The following SMYD3 variants were observed in gnomAD, a reference collection of about 807,000 sequenced individuals.
SMYD3 encodes the protein histone-lysine N-methyltransferase SMYD3.
SMYD3 carries 36 observed loss-of-function variants against 57.7 expected under a neutral mutation model. That is an observed-to-expected ratio of 0.62 (90% CI 0.48 to 0.82). SMYD3 has a LOEUF of 0.82. Among genes scored for constraint, SMYD3 ranks in the 40% least tolerant of loss-of-function variants. The pLI is 0.00. For missense variants in SMYD3, 515 were observed against 538.8 expected (o/e 0.96, Z 0.44); for synonymous variants, 211 against 195.0 (o/e 1.08, Z -0.68).
chr1:246,342,884 A>T (rs2065654367), intron 2 of SMYD3, among the ~76,000 whole-genome samples: 1 of 152,232 alleles, frequency 6.6e-6, no homozygotes. Flanking sequence ...AAAGTAAGTC[A>T]ATCATCATCT....
At chr1:245,851,692 C>G (rs747776571) in intron 10 of SMYD3, among the ~76,000 whole-genome samples, 2 of 152,174 alleles carry the variant, frequency 1.3e-5, no homozygotes, top group Non-Finnish European at 2.9e-5. Flanking sequence ...AGCAGCTTCT[C>G]AATTCTCTTG....
chr1:246,268,276 G>C (rs953267609), intron 5 of SMYD3, among the ~76,000 whole-genome samples: 34 of 152,142 alleles, frequency 2.2e-4, no homozygotes, highest in Non-Finnish European at 2.9e-5. Context: ...AGTGACCTCT[G>C]GTCGTCCTCA....
rs2064285430 is a variant in SMYD3 at position 246,274,207 on chromosome 1, G to T, written c.531+52994C>A. On this transcript the variant is annotated intron_variant, in intron 5 of 11. Coordinates refer to ENST00000490107, the MANE Select transcript of SMYD3 (RefSeq NM_001167740.2). ...CCTTTTGTCTTTATGTGTCCTAGAA[G>T]TCATTAGACACAAAACATGGAGTTT... Among the ~76,000 whole-genome samples, 3 of 152,276 alleles carry T rather than the reference G, an allele frequency of 2.0e-5. No homozygotes were observed. In the South Asian group the frequency reaches 6.2e-4, roughly 32 times the overall value.
At chr1:245,798,417 T>TACCC (rs1226185486) in intron 10 of SMYD3, among the ~76,000 whole-genome samples, 1 of 30,728 alleles carries the variant, frequency 3.3e-5, no homozygotes. Context: ...TACACACACA[T>TACCC]ACACACCCCC....
At chr1:246,119,413 CTT>C (rs111657622) in intron 5 of SMYD3, among the ~76,000 whole-genome samples, 8 of 130,176 alleles carry the variant, frequency 6.1e-5, no homozygotes, top group Non-Finnish European at 9.6e-5. Context: ...TTTGTTCTTT[CTT>C]TTTTTTTTTT....
At chr1:246,426,978 C>A (rs1308982999) in intron 1 of SMYD3, among the ~76,000 whole-genome samples, 1 of 151,758 alleles carries the variant, frequency 6.6e-6, no homozygotes, top group African/African-American at 2.4e-5. Flanking sequence ...TTTACTATAC[C>A]ATAAAAATAA....
intron 1 of SMYD3, among the ~76,000 whole-genome samples, chr1:246,414,042 G>C (rs752437113): frequency 6.6e-6 from 1 of 152,196 alleles, no homozygotes; most frequent in Non-Finnish European, 1.5e-5. Context: ...TCTGTCTGTG[G>C]GTGGAAAGAG....
chr1:246,086,900 C>T (rs1388742896), intron 5 of SMYD3, among the ~76,000 whole-genome samples: 1 of 151,966 alleles, frequency 6.6e-6, no homozygotes, highest in Non-Finnish European at 1.5e-5. Flanking sequence ...TCCGACAGGC[C>T]CAGTGTGTGT....
chr1:246,194,276 T>TG (rs890331835), intron 5 of SMYD3, among the ~76,000 whole-genome samples: 4 of 150,578 alleles, frequency 2.7e-5, no homozygotes, highest in African/African-American at 9.7e-5. Context: ...TTTTTTGTTT[T>TG]TTTTTTTTTG....
intron 10 of SMYD3, 121 bp downstream of exon 10, chr1:245,858,375 G>C: frequency 2.0e-6 from 2 of 1,003,340 alleles, no homozygotes; most frequent in Non-Finnish European, 2.9e-6. Context: ...TTAAACAATG[G>C]TTGAGAAGCA....
intron 5 of SMYD3, among the ~76,000 whole-genome samples, chr1:246,037,904 G>C (rs2059804140): frequency 6.6e-6 from 1 of 152,228 alleles, no homozygotes; most frequent in Admixed American, 6.5e-5. Context: ...AAACTTTTCT[G>C]TGAAGTGCCA....
At chr1:245,927,789 G>C in intron 7 of SMYD3, 142 bp downstream of exon 7, 1 of 639,620 alleles carries the variant, frequency 1.6e-6, no homozygotes, top group Non-Finnish European at 2.8e-6. Context: ...CTGGGGAGAG[G>C]TGACTGAACT....
At chr1:245,914,850 T>C (rs2055283524) in intron 8 of SMYD3, among the ~76,000 whole-genome samples, 1 of 145,682 alleles carries the variant, frequency 6.9e-6, no homozygotes, top group Non-Finnish European at 1.5e-5. Context: ...TATCACTCTG[T>C]ATCCCAAAAT....
chr1:246,343,889 A>G (rs2065669335), intron 2 of SMYD3, among the ~76,000 whole-genome samples: 1 of 152,212 alleles, frequency 6.6e-6, no homozygotes. Flanking sequence ...ATCTATGCAT[A>G]CTTAATAGCT....
At chr1:246,337,176 G>A (rs1369820366) in intron 2 of SMYD3, among the ~76,000 whole-genome samples, 1 of 152,178 alleles carries the variant, frequency 6.6e-6, no homozygotes, top group Non-Finnish European at 1.5e-5. Context: ...ATGTGTGTAA[G>A]AGGCCTAAAA....
chr1:246,436,747 G>A (rs1187437511), intron 1 of SMYD3, among the ~76,000 whole-genome samples: 1 of 152,130 alleles, frequency 6.6e-6, no homozygotes, highest in Admixed American at 6.5e-5. Context: ...GCCCCCAAGG[G>A]CAGGTTTACT....
intron 8 of SMYD3, 152 bp downstream of exon 8, chr1:245,915,378 A>C: frequency 2.1e-6 from 1 of 473,068 alleles, no homozygotes; most frequent in South Asian, 5.6e-5. Context: ...AGGAAACAAA[A>C]TATATGCAGT....
At chr1:245,774,756 A>G (rs1375475269) in intron 10 of SMYD3, among the ~76,000 whole-genome samples, 1 of 106,316 alleles carries the variant, frequency 9.4e-6, no homozygotes, top group Non-Finnish European at 1.9e-5. Flanking sequence ...GCTGAGCCGA[A>G]GCTGGACTGT....
chr1:246,007,166 A>T (rs1345416013), intron 5 of SMYD3, among the ~76,000 whole-genome samples: 2 of 152,254 alleles, frequency 1.3e-5, no homozygotes, highest in Non-Finnish European at 2.9e-5. Flanking sequence ...ATTATCAGGC[A>T]GCACTCTGCT....
Sources: gnomAD v4.1 joint callset for allele counts (sites outside exome capture counted in the v4.1 genomes callset) on GRCh38, gnomAD v4.1.1 for gene constraint, MANE v1.5 for transcripts, NCBI Gene and HGNC (gene_info 2026-07-23, HGNC 2026-07-21) for gene names.